NPC1L1: variants seen among roughly 807,000 people sequenced by gnomAD.
The protein encoded by NPC1L1 is NPC1 like intracellular cholesterol transporter 1.
In NPC1L1, 98 loss-of-function variants were observed where a neutral mutation model predicts 117.0. The observed-to-expected ratio is 0.84, with a 90% CI of 0.71 to 0.99. The LOEUF is 0.99. NPC1L1 is among the 50% of genes least tolerant of loss of function. The probability of loss-of-function intolerance (pLI) is 0.00; values close to 1 mark genes in which losing one functional copy is unlikely to be tolerated. For synonymous variants in NPC1L1, 729 were observed against 727.6 expected, an observed-to-expected ratio of 1.00 and a Z score of -0.03; for missense variants, 1,540 against 1,710.0, an observed-to-expected ratio of 0.90 and a Z score of 1.75.
chr7:44,518,925 G>A (rs566580886), intron 14 of NPC1L1, among the ~76,000 whole-genome samples: 96 of 151,214 alleles, frequency 6.3e-4, no homozygotes, highest in African/African-American at 2.3e-3. Context: ...GAGAACTTGC[G>A]TTTCTTCTTT....
intron 14 of NPC1L1, among the ~76,000 whole-genome samples, 190 bp downstream of exon 14, chr7:44,520,575 T>C (rs1190484754): frequency 6.6e-6 from 1 of 152,032 alleles, no homozygotes; most frequent in African/African-American, 2.4e-5. Flanking sequence ...ACCATGGACT[T>C]GGGAGTGAGA....
chr7:44,531,729 A>C, intron 10 of NPC1L1, 26 bp downstream of exon 10: 1 of 1,551,500 alleles, frequency 6.4e-7, no homozygotes, highest in Non-Finnish European at 8.7e-7. Context: ...CCAGGGGCCT[A>C]AGGGTTGAGA....
At position 44,539,469 on chromosome 7, in the gene NPC1L1, C is replaced by CG. The variant is rs764300904; in HGVS notation, c.927dup (p.Ala310ArgfsTer18). 32 of 1,613,974 alleles carry CG rather than the reference C, an allele frequency of 2.0e-5. No individual in the cohort carries two copies. In the East Asian group the frequency reaches 6.9e-4, roughly 35 times the overall value. ...TCCACCATCTTGCTTTTGTCCCTGGCGGGGGCCACACGGAATCCCACAAGC... is the reference window on the plus strand; with the variant it reads ...TCCACCATCTTGCTTTTGTCCCTGGCGGGGGGCCACACGGAATCCCACAAGC... On this transcript the variant is annotated frameshift_variant, in exon 2 of 19. Transcript: ENST00000381160. LOFTEE classifies it high-confidence loss of function. This position sits in a 1 kb window ranked among gnomAD's most constrained non-coding sequence, Gnocchi z 4.4.
chr7:44,533,698 G>A, intron 7 of NPC1L1, 41 bp downstream of exon 7: 1 of 1,609,548 alleles, frequency 6.2e-7, no homozygotes, highest in Non-Finnish European at 8.5e-7. Flanking sequence ...CACTAACCCA[G>A]CAAGCCTAAT....
chr7:44,519,794 C>G (rs2117028421), intron 14 of NPC1L1, among the ~76,000 whole-genome samples: 1 of 150,892 alleles, frequency 6.6e-6, no homozygotes, highest in Non-Finnish European at 1.5e-5. Context: ...CTGCATCTCT[C>G]TTGTTACTTT....
At chr7:44,535,747 G>A in intron 5 of NPC1L1, 93 bp downstream of exon 5, 1 of 1,576,092 alleles carries the variant, frequency 6.3e-7, no homozygotes, top group South Asian at 1.1e-5. Flanking sequence ...TTGCTGTTCT[G>A]AGGTGCTGTG....
intron 1 of NPC1L1, 84 bp from the exon 2 acceptor site, chr7:44,540,426 G>T: frequency 1.6e-6 from 2 of 1,259,428 alleles, no homozygotes; most frequent in African/African-American, 1.5e-5. Flanking sequence ...GGGTGTGAGG[G>T]TAAGAAGGAC....
intron 1 of NPC1L1, 81 bp from the exon 2 acceptor site, chr7:44,540,423 A>T: frequency 1.6e-6 from 2 of 1,266,290 alleles, no homozygotes; most frequent in Non-Finnish European, 2.3e-6. Context: ...GGAGGGTGTG[A>T]GGGTAAGAAG....
At chr7:44,514,757 T>G (rs1801133158) in intron 18 of NPC1L1, among the ~76,000 whole-genome samples, 1 of 151,966 alleles carries the variant, frequency 6.6e-6, no homozygotes, top group Admixed American at 6.5e-5. Context: ...ATCCCAGCAC[T>G]TTGGGAGGCC....
chr7:44,522,190 C>G lies in NPC1L1; in HGVS notation c.2690G>C (p.Gly897Ala), dbSNP rs768199577. ...FLFLNRYFEV[G>A]APVYFVTTLG... ...GGTGGTAACAAAGTACACCGGGGCC[C>G]CCACCTCGAAGTAGCGGTTCAGAAA... The change falls in exon 11 of 19, where the codon GGG becomes GCG. Residue 897 changes from glycine (G) to alanine (A), a missense_variant. Coordinates refer to ENST00000381160, the MANE Select transcript of NPC1L1 (RefSeq NM_001101648.2). 3 of 1,613,860 alleles carry G rather than the reference C, an allele frequency of 1.9e-6. No individual in the cohort carries two copies. The South Asian group carries it at 3.3e-5, about 18-fold the overall frequency.
At chr7:44,521,562 G>T in intron 12 of NPC1L1, 150 bp downstream of exon 12, 1 of 1,260,260 alleles carries the variant, frequency 7.9e-7, no homozygotes, top group Non-Finnish European at 1.1e-6. Context: ...CAGAGTGCCT[G>T]TCCCTCAGGC....
chr7:44,536,869 G>T lies in NPC1L1; in HGVS notation c.1654C>A (p.Pro552Thr), dbSNP rs1216047436. ...TTGTACCCCCCAATGGCAAGGAAGG[G>T]GAAGACAGGGGCCCCGTAGTCAGCC... ...CMADYGAPVF[P>T]FLAIGGYKGK... The change falls in exon 3 of 19, where the codon CCC becomes ACC. Residue 552 changes from proline (P) to threonine (T), a missense_variant. Transcript: ENST00000381160. This position sits in a 1 kb window ranked among gnomAD's most constrained non-coding sequence, Gnocchi z 4.7. 6.2e-7 allele frequency: 1 copy of T among 1,614,144 alleles called. No homozygotes were observed. Among genetic ancestry groups the T allele is most frequent in the Non-Finnish European group, 8.5e-7 (1 of 1,180,000 alleles).
At chr7:44,527,911 A>G (rs1009258738) in intron 10 of NPC1L1, among the ~76,000 whole-genome samples, 11 of 151,926 alleles carry the variant, frequency 7.2e-5, no homozygotes, top group African/African-American at 2.4e-4. Context: ...TGCAACCTCT[A>G]CCTCCTAGAT....
chr7:44,539,896 CT>C lies in NPC1L1; in HGVS notation c.500del (p.Gln167ArgfsTer70), dbSNP rs766244476. Reference sequence around the variant, plus strand: ...GCACACGGCTGCAGGAGTCATAGCTCTGCTCGGCAAAGCTATGCTGGTAGAA... The same window carrying C: ...GCACACGGCTGCAGGAGTCATAGCTCGCTCGGCAAAGCTATGCTGGTAGAA... ...EAFYQHSFAE[Q>X]SYDSCSRVRV... On this transcript the variant is annotated frameshift_variant, in exon 2 of 19. Coordinates refer to ENST00000381160, the MANE Select transcript of NPC1L1 (RefSeq NM_001101648.2). LOFTEE classifies it high-confidence loss of function. The surrounding 1 kb of genome is among the most constrained non-coding windows in gnomAD (Gnocchi z 4.4). 10 of 1,614,154 alleles carry C rather than the reference CT, an allele frequency of 6.2e-6. No individual in the cohort carries two copies. The highest frequency in any genetic ancestry group is 7.6e-6 in the Non-Finnish European group (9 of 1,180,034).
rs1801365517 is a variant in NPC1L1 at position 44,521,844 on chromosome 7, G to A, written c.2829-8C>T. On this transcript the variant is annotated splice_polypyrimidine_tract_variant and splice_region_variant and intron_variant, in intron 11 of 18. Transcript: ENST00000381160. ...GGGATGGCCAGGTAAGACCTAAGGG[G>A]CAGGTGGGAGGAAGGGTGAAAAGGC... 1.2e-6 allele frequency: 2 copies of A among 1,614,096 alleles called. No homozygotes were observed. Among genetic ancestry groups the A allele is most frequent in the East Asian group, 2.2e-5 (1 of 44,876 alleles).
rs556419582 is a variant in NPC1L1 at position 44,526,906 on chromosome 7, C to T, written c.2638-4664G>A. 5.3e-5 allele frequency among the ~76,000 whole-genome samples: 8 copies of T among 152,140 alleles called. No homozygotes were observed. In the East Asian group the frequency reaches 9.7e-4, roughly 18 times the overall value. On this transcript the variant is annotated intron_variant, in intron 10 of 18. Transcript: ENST00000381160. ...TGGCATGGTGGCATGCACCTGTAAT[C>T]TCAGCTACTCAGGAGGCTGAGGCAG... is the stretch of plus-strand genomic sequence containing the variant.
rs1290040977 is a variant in NPC1L1, at chr7:44,536,579, C to T, written c.1682-151G>A. The T allele has an allele frequency of 1.1e-6, 1 of 945,314 alleles. No homozygotes were observed. Among genetic ancestry groups the T allele is most frequent in the Admixed American group, 2.0e-5 (1 of 50,494 alleles). 58.6% of individuals were successfully genotyped at this position (945,314 alleles called of 1,614,324 possible). ...CACTCCTTCCTCATCTGATACATGG[C>T]CTTACCTCCTACACCCCACTTCTCT... On this transcript the variant is annotated intron_variant, in intron 3 of 18. Transcript: ENST00000381160. The surrounding 1 kb of genome is among the most constrained non-coding windows in gnomAD (Gnocchi z 4.7).
At chr7:44,522,521 C>T (rs144310437) in intron 10 of NPC1L1, among the ~76,000 whole-genome samples, 102 of 152,234 alleles carry the variant, frequency 6.7e-4, no homozygotes, top group African/African-American at 2.2e-3. Flanking sequence ...AAAATATACA[C>T]AGAGATGTAC....
chr7:44,522,267 G>A (rs1451912632), intron 10 of NPC1L1, 25 bp from the exon 11 acceptor site: 4 of 1,601,786 alleles, frequency 2.5e-6, no homozygotes, highest in Non-Finnish European at 3.4e-6. Flanking sequence ...GGGTCAGTGA[G>A]CTTTGGTTCG....
Sources: gnomAD v4.1 joint callset for allele counts (sites outside exome capture counted in the v4.1 genomes callset) on GRCh38, gnomAD v4.1.1 for gene constraint, Gnocchi (gnomAD v3.1) non-coding constraint, MANE v1.5 for transcripts, NCBI Gene and HGNC (gene_info 2026-07-23, HGNC 2026-07-21) for gene names.